The following SPATA31H1 variants were observed in gnomAD, a reference collection of about 807,000 sequenced individuals.
The protein encoded by SPATA31H1 is SPATA31 subfamily H member 1, also known as spermatogenesis-associated protein 31H1.
the SPATA31H1 span, chr2:27,576,602 A>T: frequency 6.3e-7 from 1 of 1,593,768 alleles, no homozygotes; most frequent in South Asian, 1.1e-5. Flanking sequence ...CCCAACAGCA[A>T]GGTATAAATT....
chr2:27,562,081 A>G, the SPATA31H1 span, among the ~76,000 whole-genome samples: 1 of 152,166 alleles, frequency 6.6e-6, no homozygotes, highest in Non-Finnish European at 1.5e-5. Flanking sequence ...ATGTATACAT[A>G]AGCTTGTCTC....
At chr2:27,542,180 T>C in the SPATA31H1 span, among the ~76,000 whole-genome samples, 1 of 151,976 alleles carries the variant, frequency 6.6e-6, no homozygotes, top group Non-Finnish European at 1.5e-5. Context: ...GTGGATCACT[T>C]GAGGTCAGGA....
chr2:27,545,751 T>TG, the SPATA31H1 span, among the ~76,000 whole-genome samples: 1 of 151,698 alleles, frequency 6.6e-6, no homozygotes, highest in Admixed American at 6.6e-5. Context: ...CTTTTTTAGG[T>TG]GGGGTTTCAC....
chr2:27,558,909 GA>G, the SPATA31H1 span, among the ~76,000 whole-genome samples: 5 of 83,768 alleles, frequency 6.0e-5, no homozygotes, highest in East Asian at 5.1e-4. Context: ...GGGAGAGGGA[GA>G]GGGAGAGGGA....
At chr2:27,577,110 G>C in the SPATA31H1 span, 1 of 1,614,130 alleles carries the variant, frequency 6.2e-7, no homozygotes, top group South Asian at 1.1e-5. The surrounding 1 kb of genome is among the most constrained non-coding windows in gnomAD (Gnocchi z 4.5). Context: ...GAAATCTGTG[G>C]GGTTGACCCC....
chr2:27,580,132 C>A, the SPATA31H1 span: 24 of 1,613,900 alleles, frequency 1.5e-5, no homozygotes, highest in African/African-American at 2.7e-5. Context: ...AGAGATAGAC[C>A]CGTCATACGG....
the SPATA31H1 span, among the ~76,000 whole-genome samples, chr2:27,550,252 G>A: frequency 3.4e-4 from 50 of 147,288 alleles, 1 homozygote; most frequent in African/African-American, 1.2e-3. Flanking sequence ...AGGATAGTTT[G>A]CAATAATTCA....
At chr2:27,579,457 G>A in the SPATA31H1 span, 25 of 1,614,086 alleles carry the variant, frequency 1.5e-5, no homozygotes, top group African/African-American at 2.7e-5. Context: ...TATATTCAGA[G>A]ACATACTTTT....
chr2:27,547,979 C>CT, the SPATA31H1 span, among the ~76,000 whole-genome samples: 52,058 of 113,308 alleles, frequency 0.46, 13,204 homozygotes, highest in East Asian at 0.83. Context: ...ATAGTAATTT[C>CT]TTTTTTTTTT....
chr2:27,565,414 A>G, the SPATA31H1 span: 1 of 717,412 alleles, frequency 1.4e-6, no homozygotes, highest in Non-Finnish European at 2.6e-6. Flanking sequence ...CTTCAGCTCA[A>G]GGTTAATAAC....
the SPATA31H1 span, among the ~76,000 whole-genome samples, chr2:27,556,284 CTTT>C: frequency 3.7e-4 from 52 of 141,808 alleles, no homozygotes; most frequent in East Asian, 6.1e-4. Flanking sequence ...TTGGAAAGCC[CTTT>C]TTTTTTTTTT....
chr2:27,577,490 G>C, the SPATA31H1 span: 45 of 1,614,124 alleles, frequency 2.8e-5, no homozygotes, highest in Non-Finnish European at 3.7e-5. This position sits in a 1 kb window ranked among gnomAD's most constrained non-coding sequence, Gnocchi z 4.5. Context: ...GATTTGCAGA[G>C]AGATCCCCAA....
At chr2:27,540,312 CA>C in the SPATA31H1 span, among the ~76,000 whole-genome samples, 1 of 120,746 alleles carries the variant, frequency 8.3e-6, no homozygotes, top group Admixed American at 7.9e-5. Flanking sequence ...GCTGGCCGGG[CA>C]GAGGGGCTCC....
the SPATA31H1 span, chr2:27,578,521 CTCCAAG>C: frequency 6.2e-7 from 1 of 1,614,102 alleles, no homozygotes; most frequent in African/African-American, 1.3e-5. Context: ...GCAGAATTAA[CTCCAAG>C]TCCATGTACT....
the SPATA31H1 span, among the ~76,000 whole-genome samples, chr2:27,552,533 CT>C: frequency 2.0e-5 from 3 of 151,946 alleles, no homozygotes; most frequent in Non-Finnish European, 4.4e-5. Flanking sequence ...AGTCCTCCAA[CT>C]TTGTTCTTTT....
At chr2:27,565,895 G>A in the SPATA31H1 span, 23 of 648,046 alleles carry the variant, frequency 3.5e-5, no homozygotes, top group East Asian at 6.3e-4. Flanking sequence ...CTTGAGATGG[G>A]TTAAGTCTGA....
At chr2:27,552,721 G>A in the SPATA31H1 span, among the ~76,000 whole-genome samples, 2 of 151,992 alleles carry the variant, frequency 1.3e-5, no homozygotes, top group Non-Finnish European at 2.9e-5. Context: ...CCATGAACAA[G>A]GGATGTCTTT....
the SPATA31H1 span, chr2:27,573,708 A>G: frequency 7.5e-6 from 3 of 398,380 alleles, no homozygotes; most frequent in Non-Finnish European, 1.3e-5. Context: ...ACAGCTGCAC[A>G]AAGTGAAACC....
At chr2:27,568,675 C>A in the SPATA31H1 span, 1 of 398,884 alleles carries the variant, frequency 2.5e-6, no homozygotes, top group Admixed American at 4.4e-5. Flanking sequence ...GATACAAAAT[C>A]TGCGGAGTTG....
Sources: allele counts gnomAD v4.1 joint callset (sites outside exome capture counted in the v4.1 genomes callset), GRCh38; gene constraint gnomAD v4.1.1; non-coding constraint Gnocchi (gnomAD v3.1); transcripts MANE v1.5; gene names NCBI Gene and HGNC (gene_info 2026-07-23, HGNC 2026-07-21).